Variants in RANBP17 observed in about 807,000 individuals in gnomAD.
RANBP17 encodes the protein RAN binding protein 17.
RANBP17 carries 158 observed loss-of-function variants against 141.2 expected under a neutral mutation model. The ratio of observed to expected loss-of-function variants is 1.12; its 90% CI spans 0.98 to 1.28. The LOEUF (loss-of-function observed/expected upper bound fraction) is 1.28. Among genes scored for constraint, RANBP17 ranks in the 50% most tolerant of loss-of-function variants. The probability of loss-of-function intolerance (pLI) is 0.00; values close to 1 mark genes in which losing one functional copy is unlikely to be tolerated. For synonymous variants in RANBP17, 430 were observed against 450.0 expected, an observed-to-expected ratio of 0.96 and a Z score of 0.56; for missense variants, 1,438 against 1,290.7, an observed-to-expected ratio of 1.11 and a Z score of -1.75.
intron 24 of RANBP17, among the ~76,000 whole-genome samples, chr5:171,257,264 A>G (rs921614086): frequency 1.3e-5 from 2 of 152,250 alleles, no homozygotes; most frequent in Non-Finnish European, 2.9e-5. Context: ...GTGTACACAA[A>G]TCATTAAATG....
At chr5:171,244,207 CA>C (rs1765065324) in intron 24 of RANBP17, among the ~76,000 whole-genome samples, 1 of 151,878 alleles carries the variant, frequency 6.6e-6, no homozygotes, top group African/African-American at 2.4e-5. Flanking sequence ...GGTTGGCCAA[CA>C]TGGTGAAACC....
chr5:171,208,572 T>G (rs1297317598), intron 20 of RANBP17, among the ~76,000 whole-genome samples: 1 of 152,200 alleles, frequency 6.6e-6, no homozygotes, highest in African/African-American at 2.4e-5. Flanking sequence ...TGCAGTCTTT[T>G]AACTGTTAAA....
At chr5:171,006,330 A>G (rs909247243) in intron 14 of RANBP17, among the ~76,000 whole-genome samples, 1 of 152,250 alleles carries the variant, frequency 6.6e-6, no homozygotes, top group Non-Finnish European at 1.5e-5. Flanking sequence ...ACAATAGCAA[A>G]GACTTGGAAC....
intron 14 of RANBP17, among the ~76,000 whole-genome samples, chr5:171,039,994 G>A (rs989749425): frequency 6.6e-6 from 1 of 151,952 alleles, no homozygotes; most frequent in Non-Finnish European, 1.5e-5. Flanking sequence ...AAAAATCGAG[G>A]AGGAAGTGCT....
intron 5 of RANBP17, chr5:170,897,445 T>C (rs895005069): frequency 2.1e-4 from 81 of 380,182 alleles, no homozygotes; most frequent in South Asian, 1.1e-3. Context: ...CTTGGATACA[T>C]GTGCAGAATG....
chr5:170,894,506 A>ATATATATATATATATATATG, intron 4 of RANBP17, among the ~76,000 whole-genome samples: 1 of 147,778 alleles, frequency 6.8e-6, no homozygotes, highest in South Asian at 2.2e-4. Context: ...ATATATATAT[A>ATATATATATATATATATATG]TGGCTTGACC....
intron 13 of RANBP17, among the ~76,000 whole-genome samples, chr5:170,954,590 T>C (rs1409468140): frequency 1.0e-5 from 1 of 99,904 alleles, no homozygotes; most frequent in Non-Finnish European, 1.8e-5. Context: ...TAAAATCAAA[T>C]GCAATATCAA....
intron 14 of RANBP17, among the ~76,000 whole-genome samples, chr5:171,125,061 G>A (rs770357473): frequency 6.6e-5 from 10 of 152,258 alleles, no homozygotes; most frequent in Non-Finnish European, 1.5e-4. Context: ...TTGGGAGGCC[G>A]AGGCGGGCAG....
At position 170,969,366 on chromosome 5, in the gene RANBP17, G is replaced by A. The variant is rs79983354; in HGVS notation, c.1710+989G>A. ...CAAATGAGACCATTTGGAAGAAAAA[G>A]AGTAGCTAGAAATAAATGTTTTAGG... On this transcript the variant is annotated intron_variant, in intron 14 of 27. Coordinates refer to ENST00000523189, the MANE Select transcript of RANBP17 (RefSeq NM_022897.5). Among the ~76,000 whole-genome samples the A allele has an allele frequency of 2.5e-3, 378 of 151,904 alleles. 3 individuals carry two copies. Among genetic ancestry groups the A allele is most frequent in the Non-Finnish European group, 4.8e-3 (324 of 67,762 alleles).
intron 14 of RANBP17, chr5:170,970,406 A>G (rs916670996): frequency 5.9e-5 from 9 of 152,048 alleles, no homozygotes; most frequent in African/African-American, 1.9e-4. Context: ...GTTCTTCCCA[A>G]TCTCTTTTCG....
chr5:171,007,524 A>T (rs572049814), intron 14 of RANBP17, among the ~76,000 whole-genome samples: 2 of 152,204 alleles, frequency 1.3e-5, no homozygotes, highest in East Asian at 3.9e-4. Context: ...AGACTCAGCG[A>T]TGCTTGGGGT....
chr5:171,061,346 A>G (rs1783832767), intron 14 of RANBP17, among the ~76,000 whole-genome samples: 2 of 151,964 alleles, frequency 1.3e-5, no homozygotes, highest in Admixed American at 6.6e-5. Context: ...TGTCCCAGAG[A>G]TTCTGGTATG....
intron 22 of RANBP17, among the ~76,000 whole-genome samples, chr5:171,239,362 G>A (rs1175674828): frequency 6.6e-6 from 1 of 152,138 alleles, no homozygotes; most frequent in Non-Finnish European, 1.5e-5. Flanking sequence ...TTCATGCTCT[G>A]CTAGAAGTAT....
chr5:171,043,801 C>G (rs1425853587), intron 14 of RANBP17, among the ~76,000 whole-genome samples: 2 of 152,088 alleles, frequency 1.3e-5, no homozygotes, highest in Non-Finnish European at 2.9e-5. Flanking sequence ...GAGTCTAGAA[C>G]TTTTCTGCTA....
intron 5 of RANBP17, 83 bp from the exon 6 acceptor site, chr5:170,909,578 C>CTTTTTTTTTTTTTTTTTTTTTTTT (rs386405668): frequency 4.2e-6 from 1 of 235,906 alleles, no homozygotes; most frequent in Non-Finnish European, 7.4e-6. Context: ...AGTTTATTTC[C>CTTTTTTTTTTTTTTTTTTTTTTTT]TTTTTTTTTT....
At chr5:171,031,125 T>C (rs1781523774) in intron 14 of RANBP17, among the ~76,000 whole-genome samples, 1 of 152,002 alleles carries the variant, frequency 6.6e-6, no homozygotes, top group South Asian at 2.1e-4. Context: ...TTTAAAACAT[T>C]AGAGCAGGAT....
chr5:171,154,068 A>G (rs1304448337), intron 14 of RANBP17, among the ~76,000 whole-genome samples: 1 of 150,860 alleles, frequency 6.6e-6, no homozygotes, highest in Non-Finnish European at 1.5e-5. Context: ...TGCAAACAAG[A>G]CCAAGAAATC....
Position 171,221,762 on chromosome 5 carries a change from C to G in RANBP17, c.2344C>G (p.Gln782Glu), listed in dbSNP as rs778460421. ...ATTTTTTTCTATATTTCTTAGATCC[C>G]AGCGTTTGAATTTTGATGTATCATC... Reference protein sequence around the residue: ...LMAELMQNRSQRLNFDVSSPN... With the variant: ...LMAELMQNRSERLNFDVSSPN... Residue 782 changes from glutamine to glutamate, a missense_variant, in exon 22 of 28, where the codon CAG (glutamine) becomes GAG (glutamate). By Grantham distance (29) the Gln-to-Glu change is conservative (BLOSUM62 2). Coordinates refer to ENST00000523189, the MANE Select transcript of RANBP17 (RefSeq NM_022897.5). 1 of 1,600,916 alleles carries G rather than the reference C, an allele frequency of 6.2e-7. No homozygotes were observed. Among genetic ancestry groups the G allele is most frequent in the Non-Finnish European group, 8.6e-7 (1 of 1,169,442 alleles).
At chr5:171,062,693 C>T (rs1783979401) in intron 14 of RANBP17, among the ~76,000 whole-genome samples, 1 of 152,136 alleles carries the variant, frequency 6.6e-6, no homozygotes, top group Admixed American at 6.5e-5. Flanking sequence ...TTTCCTGAAT[C>T]TGAATGTTGG....
Sources: allele counts gnomAD v4.1 joint callset (sites outside exome capture counted in the v4.1 genomes callset), GRCh38; gene constraint gnomAD v4.1.1; transcripts MANE v1.5; gene names NCBI Gene and HGNC (gene_info 2026-07-23, HGNC 2026-07-21).